Variants in ZNF423 observed in about 807,000 individuals in gnomAD.
ZNF423 encodes the protein zinc finger protein 423.
ZNF423 carries 12 observed loss-of-function variants against 95.8 expected under a neutral mutation model. The observed-to-expected ratio is 0.13, with a 90% confidence interval of 0.08 to 0.20. The LOEUF is 0.20. Ranked by LOEUF, ZNF423 falls within the 10% of genes least tolerant of loss-of-function variation. ZNF423 has a pLI of 1.00. For missense variants in ZNF423, 1,316 were observed against 1,737.1 expected (o/e 0.76, Z 4.31); for synonymous variants, 749 against 711.9 (o/e 1.05, Z -0.83).
At chr16:49,588,770 C>A (rs1273276252) in intron 5 of ZNF423, among the ~76,000 whole-genome samples, 3 of 152,336 alleles carry the variant, frequency 2.0e-5, no homozygotes, top group South Asian at 4.1e-4. Flanking sequence ...CAAAGCCAAG[C>A]AAGAATATTT....
intron 1 of ZNF423, among the ~76,000 whole-genome samples, chr16:49,844,286 AAAAT>A (rs2035220642): frequency 6.6e-6 from 1 of 152,214 alleles, no homozygotes; most frequent in East Asian, 1.9e-4. Flanking sequence ...AAACTTTAAG[AAAAT>A]AAATAATTAA....
At chr16:49,812,700 T>A (rs1311147974) in intron 1 of ZNF423, among the ~76,000 whole-genome samples, 1 of 152,054 alleles carries the variant, frequency 6.6e-6, no homozygotes, top group Non-Finnish European at 1.5e-5. Flanking sequence ...AATAAATGAA[T>A]AAATAAAGTC....
At chr16:49,592,350 T>A (rs112882067) in intron 5 of ZNF423, among the ~76,000 whole-genome samples, 3 of 152,188 alleles carry the variant, frequency 2.0e-5, no homozygotes, top group East Asian at 1.9e-4. Context: ...ACAGCTTTTT[T>A]AAAAACAGGA....
intron 5 of ZNF423, among the ~76,000 whole-genome samples, chr16:49,604,732 T>G (rs1247337842): frequency 6.6e-6 from 1 of 152,036 alleles, no homozygotes; most frequent in Non-Finnish European, 1.5e-5. Context: ...TCTCCCATCC[T>G]CAAGGCTCAG....
intron 1 of ZNF423, among the ~76,000 whole-genome samples, chr16:49,835,581 C>T (rs1390618034): frequency 6.6e-6 from 1 of 152,200 alleles, no homozygotes; most frequent in Admixed American, 6.5e-5. Context: ...AGTGGGCAGC[C>T]TCCACCCCTG....
Position 49,517,168 on chromosome 16 carries a change from G to A in ZNF423, c.3849+6456C>T, listed in dbSNP as rs556658327. On this transcript the variant is annotated intron_variant, in intron 7 of 7. Transcript: ENST00000563137. ...AGTGACACTTGGCTCCGGGAATAGG[G>A]CTGCCAAAAACCCAACATTGCTTCC... Among the ~76,000 whole-genome samples, 7 of 152,284 alleles carry A rather than the reference G, an allele frequency of 4.6e-5. No homozygotes were observed. In the South Asian group the frequency reaches 1.0e-3, roughly 23 times the overall value.
At chr16:49,587,245 CAG>C (rs1462839296) in intron 5 of ZNF423, among the ~76,000 whole-genome samples, 2 of 152,172 alleles carry the variant, frequency 1.3e-5, no homozygotes, top group African/African-American at 4.8e-5. Flanking sequence ...CTGACAATGA[CAG>C]ACAGGCCTTG....
chr16:49,668,202 C>G (rs1187156106), intron 3 of ZNF423, among the ~76,000 whole-genome samples: 2 of 152,158 alleles, frequency 1.3e-5, no homozygotes, highest in Non-Finnish European at 2.9e-5. Context: ...CCCTACCCCC[C>G]ACCCACCTCC....
At chr16:49,755,328 G>A (rs746268572) in intron 2 of ZNF423, among the ~76,000 whole-genome samples, 127 of 152,272 alleles carry the variant, frequency 8.3e-4, no homozygotes, top group Admixed American at 1.5e-3. Flanking sequence ...CTCCTCGCCC[G>A]CTTTCCCGTT....
At chr16:49,539,389 C>T (rs748187193) in intron 5 of ZNF423, among the ~76,000 whole-genome samples, 9 of 152,180 alleles carry the variant, frequency 5.9e-5, no homozygotes, top group Non-Finnish European at 8.8e-5. Context: ...CCCTCATTTG[C>T]TCATCGGCTG....
intron 3 of ZNF423, among the ~76,000 whole-genome samples, chr16:49,659,329 C>A (rs978235583): frequency 2.0e-5 from 3 of 152,200 alleles, no homozygotes; most frequent in Non-Finnish European, 4.4e-5. Context: ...TGGGCTAAAC[C>A]AATCCTCCTG....
intron 5 of ZNF423, among the ~76,000 whole-genome samples, chr16:49,538,438 G>A (rs1969130674): frequency 6.6e-6 from 1 of 152,076 alleles, no homozygotes. Context: ...TTTGCTCTCC[G>A]CTCCTGGCCC....
At chr16:49,709,168 T>TTTTTTATATATACATATATATATATA (rs68002485) in intron 3 of ZNF423, among the ~76,000 whole-genome samples, 2 of 93,420 alleles carry the variant, frequency 2.1e-5, no homozygotes, top group East Asian at 3.2e-4. Context: ...CAGCAGCCGT[T>TTTTTTATATATACATATATATATATA]TATATATATA....
chr16:49,834,292 AGTGCT>A (rs2035093203), intron 1 of ZNF423, among the ~76,000 whole-genome samples: 1 of 151,376 alleles, frequency 6.6e-6, no homozygotes, highest in Admixed American at 6.6e-5. Flanking sequence ...GCATGAACAC[AGTGCT>A]GTGACAATAC....
At chr16:49,621,672 C>T (rs1317244465) in intron 5 of ZNF423, among the ~76,000 whole-genome samples, 1 of 152,148 alleles carries the variant, frequency 6.6e-6, no homozygotes, top group Admixed American at 6.5e-5. Context: ...CCCCCGTCAG[C>T]GGCAGGGCAG....
intron 3 of ZNF423, among the ~76,000 whole-genome samples, chr16:49,683,797 G>A (rs2031460985): frequency 1.3e-5 from 2 of 152,118 alleles, no homozygotes; most frequent in Admixed American, 1.3e-4. Context: ...TTAAAACTTA[G>A]CCAGGCATGA....
rs1361962346 is a variant in ZNF423 at position 49,492,322 on chromosome 16, A to G, written c.3850-1018T>C. Among the ~76,000 whole-genome samples, 1 of 152,178 alleles carries G rather than the reference A, an allele frequency of 6.6e-6. No homozygotes were observed. The highest frequency in any genetic ancestry group is 1.5e-5 in the Non-Finnish European group (1 of 68,028). On this transcript the variant is annotated intron_variant, in intron 7 of 7. Coordinates refer to ENST00000563137, the MANE Select transcript of ZNF423 (RefSeq NM_001379286.1). This position sits in a 1 kb window ranked among gnomAD's most constrained non-coding sequence, Gnocchi z 4.2. ...CCGCACAGGACCCTAGATCCCCGGG[A>G]GAGGCTCCTTCTGGGCGCCCCCCAG...
chr16:49,585,591 TG>T (rs1156686219), intron 5 of ZNF423, among the ~76,000 whole-genome samples: 3 of 152,264 alleles, frequency 2.0e-5, no homozygotes, highest in Admixed American at 6.5e-5. Flanking sequence ...GTTAACTGAC[TG>T]TTGAGTCTAA....
At chr16:49,780,128 C>T (rs964610252) in intron 2 of ZNF423, among the ~76,000 whole-genome samples, 7 of 152,324 alleles carry the variant, frequency 4.6e-5, no homozygotes, top group Admixed American at 2.6e-4. Context: ...AGTCAGAAGA[C>T]GCACTGCACA....
Sources: gnomAD v4.1 joint callset for allele counts (sites outside exome capture counted in the v4.1 genomes callset) on GRCh38, gnomAD v4.1.1 for gene constraint, Gnocchi (gnomAD v3.1) non-coding constraint, MANE v1.5 for transcripts, NCBI Gene and HGNC (gene_info 2026-07-23, HGNC 2026-07-21) for gene names.